NFIB: variants seen among roughly 807,000 people sequenced by gnomAD.
NFIB encodes nuclear factor 1 B-type.
NFIB carries 11 observed loss-of-function variants against 61.5 expected under a neutral mutation model. The observed-to-expected ratio is 0.18, with a 90% CI of 0.11 to 0.30. The LOEUF (loss-of-function observed/expected upper bound fraction) is 0.30. NFIB is among the 10% of genes least tolerant of loss of function. NFIB has a pLI of 1.00. For synonymous variants in NFIB, 260 were observed against 216.5 expected, an observed-to-expected ratio of 1.20 and a Z score of -1.76; for missense variants, 471 against 608.9, an observed-to-expected ratio of 0.77 and a Z score of 2.38.
intron 1 of NFIB, among the ~76,000 whole-genome samples, chr9:14,365,399 G>C (rs1301240093): frequency 1.3e-5 from 2 of 152,186 alleles, no homozygotes; most frequent in Admixed American, 6.5e-5. Flanking sequence ...CACCCCAGGA[G>C]ACTCCACTCA....
chr9:14,099,485 A>T (rs516090), intron 10 of NFIB, among the ~76,000 whole-genome samples: 75,890 of 151,680 alleles, frequency 0.5, 21,110 homozygotes, highest in African/African-American at 0.73. Context: ...TCATAAACTA[A>T]AAAAGATGGA....
At chr9:14,127,992 T>C (rs1275185819) in intron 6 of NFIB, among the ~76,000 whole-genome samples, 2 of 148,322 alleles carry the variant, frequency 1.3e-5, no homozygotes, top group East Asian at 2.0e-4. Context: ...TTAATGCCAC[T>C]ATAAAAAAAG....
rs536415119 is a variant in NFIB, at chr9:14,397,701, C to T, written c.108+823G>A. ...TTAATAAGAGAAATAAAAAGACAGC[C>T]AGCAATATCATGCCTAACCTTTACC... On this transcript the variant is annotated intron_variant, in intron 1 of 8. Transcript: ENST00000380934. Among the ~76,000 whole-genome samples, 90 of 152,242 alleles carry T rather than the reference C, an allele frequency of 5.9e-4. 1 individual carries two copies. Among genetic ancestry groups the T allele is most frequent in the African/African-American group, 2.0e-3 (85 of 41,524 alleles).
intron 4 of NFIB, among the ~76,000 whole-genome samples, chr9:14,152,062 T>C (rs768242304): frequency 6.6e-6 from 1 of 152,102 alleles, no homozygotes; most frequent in Non-Finnish European, 1.5e-5. Flanking sequence ...TAAGAAAGTA[T>C]GATTAGGAGG....
chr9:14,253,412 C>G (rs2055873020), intron 2 of NFIB, among the ~76,000 whole-genome samples: 1 of 152,178 alleles, frequency 6.6e-6, no homozygotes, highest in African/African-American at 2.4e-5. Flanking sequence ...TGGAAATGTA[C>G]AGAGGCAGAA....
chr9:14,254,664 A>T (rs962330075), intron 2 of NFIB, among the ~76,000 whole-genome samples: 1 of 152,248 alleles, frequency 6.6e-6, no homozygotes, highest in Non-Finnish European at 1.5e-5. Flanking sequence ...TATTAGTGTT[A>T]ATAATGATAC....
chr9:14,310,851 T>C (rs1017989879), intron 1 of NFIB, among the ~76,000 whole-genome samples: 1 of 152,196 alleles, frequency 6.6e-6, no homozygotes, highest in African/African-American at 2.4e-5. Context: ...GGCATATTTA[T>C]TTTTCTTCCG....
intron 1 of NFIB, among the ~76,000 whole-genome samples, chr9:14,344,107 A>AG (rs1491428882): frequency 6.7e-5 from 9 of 135,134 alleles, no homozygotes; most frequent in African/African-American, 1.8e-4. Flanking sequence ...AGAGAGAGAG[A>AG]AAGAGAGAGA....
chr9:14,215,292 G>C (rs1044923305), intron 2 of NFIB, among the ~76,000 whole-genome samples: 2 of 150,356 alleles, frequency 1.3e-5, no homozygotes, highest in African/African-American at 5.0e-5. Flanking sequence ...CAATAAACTT[G>C]AAAAATGTAA....
chr9:14,164,805 C>T (rs767161553), intron 3 of NFIB, among the ~76,000 whole-genome samples: 2 of 152,126 alleles, frequency 1.3e-5, no homozygotes, highest in Non-Finnish European at 2.9e-5. Context: ...TTCTTGAAAG[C>T]AGTTTATGTT....
At chr9:14,424,476 C>T in the NFIB span, among the ~76,000 whole-genome samples, 1 of 152,212 alleles carries the variant, frequency 6.6e-6, no homozygotes, top group African/African-American at 2.4e-5. Context: ...TCAGCATTCC[C>T]TAAACTTATT....
At chr9:14,384,023 G>A (rs904445633) in intron 1 of NFIB, among the ~76,000 whole-genome samples, 5 of 152,210 alleles carry the variant, frequency 3.3e-5, no homozygotes, top group Non-Finnish European at 5.9e-5. Flanking sequence ...GTGATTGGCT[G>A]GGGGGCGTGA....
the NFIB span, among the ~76,000 whole-genome samples, chr9:14,501,008 GA>G: frequency 6.6e-6 from 1 of 152,198 alleles, no homozygotes; most frequent in Non-Finnish European, 1.5e-5. Flanking sequence ...GAATCTGTGG[GA>G]TTGAGTTTAT....
chr9:14,478,208 C>T, the NFIB span, among the ~76,000 whole-genome samples: 1 of 152,128 alleles, frequency 6.6e-6, no homozygotes, highest in South Asian at 2.1e-4. Flanking sequence ...GCCAGACTTC[C>T]TACTAGGAAG....
At chr9:14,123,045 G>C (rs771922899) in intron 7 of NFIB, among the ~76,000 whole-genome samples, 1 of 152,006 alleles carries the variant, frequency 6.6e-6, no homozygotes, top group Non-Finnish European at 1.5e-5. Context: ...CTTGAGGTCA[G>C]ATGTTCGAGA....
intron 1 of NFIB, among the ~76,000 whole-genome samples, chr9:14,311,439 G>A (rs1455695336): frequency 1.3e-5 from 2 of 152,132 alleles, no homozygotes; most frequent in African/African-American, 2.4e-5. Flanking sequence ...GGAGCTTAGT[G>A]AAGTGAAAAT....
chr9:14,239,000 A>G (rs1406103161), intron 2 of NFIB, among the ~76,000 whole-genome samples: 1 of 152,222 alleles, frequency 6.6e-6, no homozygotes, highest in Non-Finnish European at 1.5e-5. Context: ...TCACATGATA[A>G]TTATTCAAAA....
chr9:14,338,834 T>G (rs1006660409), intron 1 of NFIB, among the ~76,000 whole-genome samples: 6 of 152,070 alleles, frequency 3.9e-5, no homozygotes, highest in African/African-American at 1.4e-4. Context: ...CCTCTCCTCC[T>G]TTCTCCTGCC....
At chr9:14,240,215 A>G (rs1020012118) in intron 2 of NFIB, among the ~76,000 whole-genome samples, 4 of 152,070 alleles carry the variant, frequency 2.6e-5, no homozygotes, top group Non-Finnish European at 5.9e-5. Context: ...AAAAATTCCT[A>G]GAGAGTGAAA....
Sources: allele counts gnomAD v4.1 joint callset (sites outside exome capture counted in the v4.1 genomes callset), GRCh38; gene constraint gnomAD v4.1.1; transcripts MANE v1.5; gene names NCBI Gene and HGNC (gene_info 2026-07-23, HGNC 2026-07-21).